The following CSMD3 variants were observed in gnomAD, a reference collection of about 807,000 sequenced individuals.
CSMD3 encodes the protein CUB and sushi domain-containing protein 3.
CSMD3 carries 177 observed loss-of-function variants against 435.2 expected under a neutral mutation model. That is an observed-to-expected ratio of 0.41 (90% CI 0.36 to 0.46). CSMD3 has a LOEUF of 0.46. Among genes scored for constraint, CSMD3 ranks in the 20% least tolerant of loss-of-function variants. The pLI is 0.34. For missense variants in CSMD3, 4,265 were observed against 4,504.6 expected, an observed-to-expected ratio of 0.95 and a Z score of 1.52; for synonymous variants, 1,656 against 1,520.5, an observed-to-expected ratio of 1.09 and a Z score of -2.07.
intron 27 of CSMD3, among the ~76,000 whole-genome samples, chr8:112,546,344 G>A (rs1006899021): frequency 1.3e-5 from 2 of 152,154 alleles, no homozygotes; most frequent in African/African-American, 4.8e-5. Context: ...TTTGCTGGAG[G>A]GATAAAGAAG....
intron 10 of CSMD3, among the ~76,000 whole-genome samples, chr8:112,867,242 T>C (rs1306778848): frequency 6.6e-6 from 1 of 152,146 alleles, no homozygotes; most frequent in Non-Finnish European, 1.5e-5. Context: ...CTAATCTTTC[T>C]TTGCTCAACC....
chr8:113,241,241 C>A (rs543694428), intron 3 of CSMD3, among the ~76,000 whole-genome samples: 1 of 151,810 alleles, frequency 6.6e-6, no homozygotes, highest in Non-Finnish European at 1.5e-5. Context: ...TCTGCAAAAC[C>A]TAGAGAAAAT....
At chr8:112,952,331 T>C (rs2130819878) in intron 8 of CSMD3, among the ~76,000 whole-genome samples, 1 of 151,816 alleles carries the variant, frequency 6.6e-6, no homozygotes, top group Non-Finnish European at 1.5e-5. Flanking sequence ...TCCATGCTTA[T>C]ACTGACTTTG....
At chr8:112,525,689 C>T (rs1421409210) in intron 27 of CSMD3, among the ~76,000 whole-genome samples, 3 of 147,022 alleles carry the variant, frequency 2.0e-5, no homozygotes, top group Non-Finnish European at 4.5e-5. Flanking sequence ...CCACTGCACT[C>T]CAGCCTGAGC....
At chr8:112,348,202 T>A (rs1216385037) in intron 40 of CSMD3, among the ~76,000 whole-genome samples, 1 of 152,228 alleles carries the variant, frequency 6.6e-6, no homozygotes, top group Non-Finnish European at 1.5e-5. Context: ...TCAACACTCC[T>A]ATGCCTTGAA....
At chr8:113,161,184 C>T (rs751349746) in intron 4 of CSMD3, among the ~76,000 whole-genome samples, 14 of 152,118 alleles carry the variant, frequency 9.2e-5, no homozygotes, top group Non-Finnish European at 1.9e-4. Context: ...GATAGATTCA[C>T]ACCAAAGGCA....
chr8:112,233,183 A>G (rs1813257224), intron 68 of CSMD3, among the ~76,000 whole-genome samples: 1 of 152,200 alleles, frequency 6.6e-6, no homozygotes, highest in African/African-American at 2.4e-5. Context: ...TATATCCTGA[A>G]GTTTGTGTTA....
At chr8:113,186,228 T>C (rs937109567) in intron 3 of CSMD3, among the ~76,000 whole-genome samples, 1 of 152,036 alleles carries the variant, frequency 6.6e-6, no homozygotes, top group Non-Finnish European at 1.5e-5. Flanking sequence ...GTGGGCATCC[T>C]TTTAATAAGA....
chr8:113,423,776 G>A (rs182984457), intron 1 of CSMD3, among the ~76,000 whole-genome samples: 34 of 151,884 alleles, frequency 2.2e-4, no homozygotes, highest in African/African-American at 7.5e-4. Context: ...GAAACACTTG[G>A]AAGTGCTTTC....
At chr8:112,471,424 GA>G (rs1818510466) in intron 32 of CSMD3, among the ~76,000 whole-genome samples, 1 of 152,094 alleles carries the variant, frequency 6.6e-6, no homozygotes, top group Non-Finnish European at 1.5e-5. Context: ...CACTATCAAA[GA>G]CCTAACCTTT....
intron 35 of CSMD3, among the ~76,000 whole-genome samples, chr8:112,405,213 C>CATATATATA (rs1439544983): frequency 6.7e-3 from 119 of 17,866 alleles, no homozygotes; most frequent in Non-Finnish European, 9.6e-3. Context: ...AAAAAAACCC[C>CATATATATA]CATATATATA....
intron 58 of CSMD3, among the ~76,000 whole-genome samples, chr8:112,285,004 T>G (rs1462241634): frequency 6.6e-6 from 1 of 151,326 alleles, no homozygotes; most frequent in Non-Finnish European, 1.5e-5. Flanking sequence ...TAGGTTACAG[T>G]TTTTTTTTAT....
intron 10 of CSMD3, among the ~76,000 whole-genome samples, chr8:112,897,205 G>C (rs78616161): frequency 0.034 from 5,137 of 151,270 alleles, 148 homozygotes; most frequent in Middle Eastern, 0.051. Context: ...CTGCACTTAC[G>C]TATGCATGCA....
intron 13 of CSMD3, among the ~76,000 whole-genome samples, chr8:112,733,677 C>T (rs1177528720): frequency 6.6e-6 from 1 of 151,736 alleles, no homozygotes; most frequent in East Asian, 1.9e-4. Flanking sequence ...TTTGAAAGGA[C>T]CTTTTAGTCA....
At chr8:113,372,223 C>G (rs1325263267) in intron 1 of CSMD3, among the ~76,000 whole-genome samples, 2 of 152,108 alleles carry the variant, frequency 1.3e-5, no homozygotes. Flanking sequence ...AGTACCATAA[C>G]AATATTATTT....
intron 4 of CSMD3, among the ~76,000 whole-genome samples, chr8:113,149,458 T>C (rs775189060): frequency 6.6e-5 from 10 of 152,048 alleles, no homozygotes; most frequent in Non-Finnish European, 1.3e-4. Flanking sequence ...GCTCAAGATA[T>C]TGTTAATCAA....
chr8:112,566,082 C>T (rs1366949603), intron 24 of CSMD3, among the ~76,000 whole-genome samples: 2 of 147,646 alleles, frequency 1.4e-5, no homozygotes, highest in African/African-American at 5.0e-5. Flanking sequence ...TTTAAAAATA[C>T]ATTAAATCTA....
intron 24 of CSMD3, among the ~76,000 whole-genome samples, chr8:112,569,638 G>GAT (rs1365761435): frequency 6.6e-6 from 1 of 152,026 alleles, no homozygotes; most frequent in Non-Finnish European, 1.5e-5. Flanking sequence ...ATAGATAATG[G>GAT]AATACAGGGT....
chr8:113,243,770 C>G (rs1205909657), intron 3 of CSMD3, among the ~76,000 whole-genome samples: 2 of 152,144 alleles, frequency 1.3e-5, no homozygotes, highest in Non-Finnish European at 2.9e-5. Flanking sequence ...CTTGTCAACA[C>G]TTACTATTGT....
Sources: allele counts gnomAD v4.1 joint callset (sites outside exome capture counted in the v4.1 genomes callset), GRCh38; gene constraint gnomAD v4.1.1; transcripts MANE v1.5; gene names NCBI Gene and HGNC (gene_info 2026-07-23, HGNC 2026-07-21).